TOLLIP: variants seen among roughly 807,000 people sequenced by gnomAD.
TOLLIP encodes toll interacting protein, also known as toll-interacting protein.
TOLLIP carries 16 observed loss-of-function variants against 33.5 expected under a neutral mutation model. The ratio of observed to expected loss-of-function variants is 0.48; its 90% CI spans 0.32 to 0.72. The LOEUF is 0.72. Among genes scored for constraint, TOLLIP ranks in the 30% least tolerant of loss-of-function variants. TOLLIP has a pLI of 0.03. For synonymous variants in TOLLIP, 176 were observed against 163.7 expected (o/e 1.07, Z -0.57); for missense variants, 325 against 396.6 (o/e 0.82, Z 1.53).
At chr11:1,283,511 C>G (rs1412302249) in intron 5 of TOLLIP, 1 of 455,690 alleles carries the variant, frequency 2.2e-6, no homozygotes, top group Non-Finnish European at 4.4e-6. Context: ...GTCAGGTGGA[C>G]GAGTCCTCAC....
chr11:1,291,445 C>A (rs1315139440), intron 2 of TOLLIP, among the ~76,000 whole-genome samples: 2 of 148,088 alleles, frequency 1.4e-5, no homozygotes, highest in Admixed American at 1.3e-4. Context: ...CCAGACACTG[C>A]CCCCCGACCC....
At chr11:1,295,543 G>T in intron 2 of TOLLIP, 102 bp downstream of exon 2, 1 of 1,350,618 alleles carries the variant, frequency 7.4e-7, no homozygotes, top group Non-Finnish European at 9.9e-7. Flanking sequence ...CAGAAGTTCT[G>T]TTTGCCCGCT....
At chr11:1,304,232 C>T (rs955263896) in intron 1 of TOLLIP, among the ~76,000 whole-genome samples, 3 of 152,138 alleles carry the variant, frequency 2.0e-5, no homozygotes, top group South Asian at 2.1e-4. Context: ...GACAAGTGAC[C>T]GTCCACCGGG....
chr11:1,299,824 C>T (rs868138695), intron 1 of TOLLIP, among the ~76,000 whole-genome samples: 1 of 152,236 alleles, frequency 6.6e-6, no homozygotes, highest in Non-Finnish European at 1.5e-5. Flanking sequence ...GCCGTCAAAA[C>T]GCCCCGTCCA....
intron 2 of TOLLIP, 181 bp downstream of exon 2, chr11:1,295,464 G>A (rs959549958): frequency 2.8e-5 from 20 of 726,900 alleles, no homozygotes; most frequent in South Asian, 1.8e-4. Context: ...GGTAGAACCC[G>A]GGGTCAATGC....
Position 1,290,341 on chromosome 11 carries a change from C to G in TOLLIP, c.252G>C (p.Ala84=). The change falls in exon 3 of 6, where the codon GCG becomes GCC. Residue 84 remains alanine, a synonymous_variant. Coordinates refer to ENST00000317204, the MANE Select transcript of TOLLIP (RefSeq NM_019009.4). The surrounding 1 kb of genome is among the most constrained non-coding windows in gnomAD (Gnocchi z 4.9). ...TGTGTGCCGTGGGCGTCTCGTACAC[C>G]GCGTAGCCCAGGCGCAGTCGGCAGT... ...DPYCRLRLGY[A]VYETPTAHNG... 6.2e-7 allele frequency: 1 copy of G among 1,613,572 alleles called. No individual in the cohort carries two copies. The highest frequency in any genetic ancestry group is 8.5e-7 in the Non-Finnish European group (1 of 1,179,978).
At chr11:1,306,699 T>C (rs1310746858) in intron 1 of TOLLIP, among the ~76,000 whole-genome samples, 4 of 151,990 alleles carry the variant, frequency 2.6e-5, no homozygotes, top group Admixed American at 6.6e-5. Context: ...GGCCCTGCCT[T>C]GCGTGTGCCA....
chr11:1,280,742 G>A (rs1369870709), intron 5 of TOLLIP, among the ~76,000 whole-genome samples: 1 of 152,068 alleles, frequency 6.6e-6, no homozygotes, highest in East Asian at 1.9e-4. Flanking sequence ...AGCAACAGGA[G>A]GAGGGAAAGT....
rs1357667506 is a variant in TOLLIP, at chr11:1,285,964, T to C, written c.610+38A>G. 6.5e-6 allele frequency: 10 copies of C among 1,530,436 alleles called. No individual in the cohort carries two copies. In the African/African-American group the frequency reaches 1.4e-4, roughly 21 times the overall value. 94.8% of individuals were successfully genotyped at this position (1,530,436 alleles called of 1,614,324 possible). On this transcript the variant is annotated intron_variant, in intron 5 of 5. Transcript: ENST00000317204. ...CACCTGCCCTAGGCCCTGGGGTTTC[T>C]ACCAGGGGAGAGGCACCCAGGGAGG...
intron 4 of TOLLIP, among the ~76,000 whole-genome samples, chr11:1,287,233 T>A (rs1863739071): frequency 6.6e-6 from 1 of 152,228 alleles, no homozygotes; most frequent in Middle Eastern, 3.2e-3. Context: ...CACTGGAGCG[T>A]CATGATGGTT....
At chr11:1,280,770 A>G (rs903547811) in intron 5 of TOLLIP, among the ~76,000 whole-genome samples, 3 of 152,032 alleles carry the variant, frequency 2.0e-5, no homozygotes, top group Non-Finnish European at 2.9e-5. Context: ...GCCCCAGAGG[A>G]CAGCGCGGCC....
In TOLLIP at chr11:1,276,697, C is replaced by T. The variant is rs780628940; in HGVS notation, c.*342G>A. 1.8e-5 allele frequency: 25 copies of T among 1,406,940 alleles called. No individual in the cohort carries two copies. The highest frequency in any genetic ancestry group is 1.9e-4 in the Middle Eastern group (1 of 5,384). 87.2% of individuals were successfully genotyped at this position (1,406,940 alleles called of 1,614,324 possible). On this transcript the variant is annotated 3_prime_UTR_variant, in exon 6 of 6. Transcript: ENST00000317204. ...AAATGCCATGAATGGAATCGGAAGG[C>T]GCTCCACCACCTCCAACACCCTGGC...
rs1183924997 is a variant in TOLLIP at position 1,274,938 on chromosome 11, C to T, written c.*2101G>A. The T allele has an allele frequency of 6.6e-6, 1 of 152,140 alleles. No individual in the cohort carries two copies. Among genetic ancestry groups the T allele is most frequent in the Non-Finnish European group, 1.5e-5 (1 of 68,040 alleles). The allele number at this position is 152,140 out of a possible 1,614,324, so 9.4% of individuals were successfully genotyped here. A position where few individuals can be genotyped will look rare whatever the true frequency, so the allele number is the denominator to read the frequency against. On this transcript the variant is annotated 3_prime_UTR_variant, in exon 6 of 6. Coordinates refer to ENST00000317204, the MANE Select transcript of TOLLIP (RefSeq NM_019009.4). ...GGAGGGGCTCAGCAAGCTGCTTCTA[C>T]AGTAAGCCACTTCTACAGTAAGCCT...
At chr11:1,293,796 C>A (rs1864025237) in intron 2 of TOLLIP, among the ~76,000 whole-genome samples, 1 of 152,212 alleles carries the variant, frequency 6.6e-6, no homozygotes, top group Admixed American at 6.5e-5. Context: ...CAGGAGGTGG[C>A]GGCTGAGGAC....
chr11:1,302,651 C>T (rs1864317139), intron 1 of TOLLIP: 1 of 987,624 alleles, frequency 1.0e-6, no homozygotes. Flanking sequence ...TCCTGACACT[C>T]CCCAAAACCC....
chr11:1,295,510 C>T (rs1204256604), intron 2 of TOLLIP, 135 bp downstream of exon 2: 1 of 1,162,628 alleles, frequency 8.6e-7, no homozygotes, highest in African/African-American at 1.5e-5. Flanking sequence ...CAACATCACA[C>T]AGGTTTCAGG....
intron 5 of TOLLIP, 96 bp downstream of exon 5, chr11:1,285,906 C>A (rs1863675613): frequency 2.3e-6 from 2 of 878,326 alleles, no homozygotes; most frequent in South Asian, 3.4e-5. Flanking sequence ...GACGTCCCCA[C>A]CCCGGCGCTC....
intron 4 of TOLLIP, among the ~76,000 whole-genome samples, chr11:1,287,517 C>T (rs1590213703): frequency 5.7e-5 from 1 of 17,580 alleles, no homozygotes; most frequent in Non-Finnish European, 1.1e-4. Context: ...GCCTCCCCGC[C>T]GCAGCCTCCC....
intron 5 of TOLLIP, among the ~76,000 whole-genome samples, chr11:1,283,027 T>C (rs1258539040): frequency 6.6e-6 from 1 of 152,182 alleles, no homozygotes; most frequent in African/African-American, 2.4e-5. Flanking sequence ...AAGGGCGGGA[T>C]CTTCACGTGG....
Sources: gnomAD v4.1 joint callset for allele counts (sites outside exome capture counted in the v4.1 genomes callset) on GRCh38, gnomAD v4.1.1 for gene constraint, Gnocchi (gnomAD v3.1) non-coding constraint, MANE v1.5 for transcripts, NCBI Gene and HGNC (gene_info 2026-07-23, HGNC 2026-07-21) for gene names.